TASP1: variants seen among roughly 807,000 people sequenced by gnomAD.
TASP1 encodes the protein threonine aspartase 1.
In TASP1, 16 loss-of-function variants were observed where a neutral mutation model predicts 56.6. The observed-to-expected ratio is 0.28, with a 90% confidence interval of 0.19 to 0.43. The LOEUF (loss-of-function observed/expected upper bound fraction) is 0.43, where lower values mean the gene tolerates loss of function less well. TASP1 is among the 20% of genes least tolerant of loss of function. The probability of loss-of-function intolerance (pLI) is 1.00; values close to 1 mark genes in which losing one functional copy is unlikely to be tolerated. For synonymous variants in TASP1, 179 were observed against 184.2 expected (o/e 0.97, Z 0.23); for missense variants, 393 against 511.6 (o/e 0.77, Z 2.24).
the TASP1 span, among the ~76,000 whole-genome samples, chr20:13,349,574 G>A: frequency 6.6e-6 from 1 of 152,138 alleles, no homozygotes; most frequent in Admixed American, 6.5e-5. Context: ...AAAAAAAGAA[G>A]AGGACCAGCA....
At chr20:13,559,776 A>G (rs1183758896) in intron 7 of TASP1, among the ~76,000 whole-genome samples, 1 of 152,192 alleles carries the variant, frequency 6.6e-6, no homozygotes, top group East Asian at 1.9e-4. Context: ...AATACTCCCC[A>G]GAAAAACAAA....
chr20:13,225,700 T>C, the TASP1 span, among the ~76,000 whole-genome samples: 1 of 152,202 alleles, frequency 6.6e-6, no homozygotes, highest in Non-Finnish European at 1.5e-5. Context: ...TTTTAAAATA[T>C]CTAGTAAGAA....
chr20:13,636,419 C>T (rs1459634848), intron 1 of TASP1, among the ~76,000 whole-genome samples: 3 of 151,644 alleles, frequency 2.0e-5, no homozygotes, highest in African/African-American at 7.3e-5. Flanking sequence ...CTGGGCCTCC[C>T]AAAGTGCTGG....
At chr20:13,182,455 C>T in the TASP1 span, among the ~76,000 whole-genome samples, 1 of 152,140 alleles carries the variant, frequency 6.6e-6, no homozygotes. Flanking sequence ...CTGATTATTT[C>T]CATGAGGGGT....
At chr20:13,522,201 T>C (rs1381907492) in intron 10 of TASP1, among the ~76,000 whole-genome samples, 1 of 152,198 alleles carries the variant, frequency 6.6e-6, no homozygotes, top group African/African-American at 2.4e-5. Flanking sequence ...ATTAGGACTG[T>C]GGCTTTCCCA....
chr20:13,317,663 A>T, the TASP1 span, among the ~76,000 whole-genome samples: 18,085 of 152,114 alleles, frequency 0.12, 1,523 homozygotes, highest in Non-Finnish European at 0.18. Flanking sequence ...TTGACCTTTG[A>T]CAAGGGATGA....
At chr20:13,515,498 C>G (rs1165771129) in intron 10 of TASP1, among the ~76,000 whole-genome samples, 5 of 148,682 alleles carry the variant, frequency 3.4e-5, no homozygotes, top group Admixed American at 6.8e-5. Context: ...CCCAGACCCA[C>G]TGGATCATAG....
chr20:13,370,151 C>T, the TASP1 span, among the ~76,000 whole-genome samples: 1 of 151,982 alleles, frequency 6.6e-6, no homozygotes, highest in Non-Finnish European at 1.5e-5. Flanking sequence ...TTTAAAGCAG[C>T]CATTATAAAA....
chr20:13,167,131 A>G, the TASP1 span: 1 of 152,232 alleles, frequency 6.6e-6, no homozygotes, highest in East Asian at 1.9e-4. Context: ...CCACAGGGCC[A>G]ATAATATTAG....
At chr20:13,411,756 T>C (rs143526069) in intron 13 of TASP1, among the ~76,000 whole-genome samples, 45 of 152,322 alleles carry the variant, frequency 3.0e-4, no homozygotes, top group African/African-American at 8.2e-4. Flanking sequence ...TCTTTGTTTA[T>C]AGGCAAGCCG....
At chr20:13,145,976 G>A in the TASP1 span, among the ~76,000 whole-genome samples, 5 of 152,146 alleles carry the variant, frequency 3.3e-5, no homozygotes, top group East Asian at 5.8e-4. Flanking sequence ...ACATGCATGC[G>A]AATGTTCCTT....
chr20:13,239,637 C>G, the TASP1 span: 1 of 152,166 alleles, frequency 6.6e-6, no homozygotes, highest in African/African-American at 2.4e-5. Flanking sequence ...CAGGTTGGAC[C>G]GGGGCTTCAT....
intron 11 of TASP1, among the ~76,000 whole-genome samples, chr20:13,441,799 C>T (rs1041499609): frequency 3.3e-5 from 5 of 152,116 alleles, no homozygotes; most frequent in African/African-American, 1.2e-4. Flanking sequence ...AGGCTGTCTA[C>T]AGAAGCTGGG....
chr20:13,487,376 G>A (rs1422474112), intron 10 of TASP1, among the ~76,000 whole-genome samples: 1 of 152,078 alleles, frequency 6.6e-6, no homozygotes, highest in Non-Finnish European at 1.5e-5. Flanking sequence ...CTGTCATTCT[G>A]GCCAGTCCAG....
At chr20:13,445,933 T>G (rs1425504317) in intron 11 of TASP1, among the ~76,000 whole-genome samples, 4 of 152,166 alleles carry the variant, frequency 2.6e-5, no homozygotes, top group African/African-American at 9.7e-5. Context: ...TATTTCATAT[T>G]TTATAAAAGT....
At chr20:13,417,282 T>C (rs1180876240) in intron 13 of TASP1, among the ~76,000 whole-genome samples, 166 bp downstream of exon 13, 1 of 152,224 alleles carries the variant, frequency 6.6e-6, no homozygotes, top group African/African-American at 2.4e-5. Context: ...GCTGGTTTTC[T>C]CTGGAGCTGT....
At chr20:13,459,827 G>A (rs1409086029) in intron 11 of TASP1, among the ~76,000 whole-genome samples, 1 of 151,982 alleles carries the variant, frequency 6.6e-6, no homozygotes, top group Admixed American at 6.6e-5. Context: ...CTGTTGACTA[G>A]GTCTACTGCT....
chr20:13,542,814 T>C (rs2045671454), intron 8 of TASP1, among the ~76,000 whole-genome samples: 1 of 152,098 alleles, frequency 6.6e-6, no homozygotes, highest in East Asian at 1.9e-4. Context: ...ACTTGTGGGA[T>C]ACAGTAAAAG....
At chr20:13,200,387 G>A in the TASP1 span, among the ~76,000 whole-genome samples, 1 of 152,180 alleles carries the variant, frequency 6.6e-6, no homozygotes, top group African/African-American at 2.4e-5. Flanking sequence ...ACTGCAGGTA[G>A]CTCAGACTGT....
Sources: allele counts gnomAD v4.1 joint callset (sites outside exome capture counted in the v4.1 genomes callset), GRCh38; gene constraint gnomAD v4.1.1; transcripts MANE v1.5; gene names NCBI Gene and HGNC (gene_info 2026-07-23, HGNC 2026-07-21).